Variants in SEZ6L2 observed in about 807,000 individuals in gnomAD.
SEZ6L2 encodes seizure related 6 homolog like 2.
SEZ6L2 carries 44 observed loss-of-function variants against 97.0 expected under a neutral mutation model. The observed-to-expected ratio is 0.45, with a 90% CI of 0.36 to 0.58. The LOEUF is 0.58. SEZ6L2 is among the 20% of genes least tolerant of loss of function. The pLI, the probability that SEZ6L2 is intolerant of heterozygous loss-of-function variation, is 0.00. For missense variants in SEZ6L2, 1,086 were observed against 1,233.3 expected, an observed-to-expected ratio of 0.88 and a Z score of 1.79; for synonymous variants, 543 against 546.1, an observed-to-expected ratio of 0.99 and a Z score of 0.08.
chr16:29,890,697 G>T (rs1470733965), intron 5 of SEZ6L2, among the ~76,000 whole-genome samples: 1 of 144,762 alleles, frequency 6.9e-6, no homozygotes, highest in Non-Finnish European at 1.5e-5. Flanking sequence ...TCTCTTACCT[G>T]TACACAGTCC....
At chr16:29,891,555 C>G (rs756768705) in intron 5 of SEZ6L2, among the ~76,000 whole-genome samples, 1 of 152,048 alleles carries the variant, frequency 6.6e-6, no homozygotes, top group Non-Finnish European at 1.5e-5. Flanking sequence ...ACAGGAGAAT[C>G]GCTTGAACCA....
chr16:29,872,777 G>GA, intron 14 of SEZ6L2, 34 bp from the exon 15 acceptor site: 1 of 1,559,244 alleles, frequency 6.4e-7, no homozygotes, highest in Non-Finnish European at 8.8e-7. Flanking sequence ...GATGGGGTCT[G>GA]AGCCAGGGAG....
chr16:29,895,565 C>T lies in SEZ6L2; in HGVS notation c.652-105G>A. Reference sequence around the variant, plus strand: ...CCTGTGTGTAGCAGCCCAAAAGGCACCACGCTGCTGCCCAAGTTGTAGAAA... The same window carrying T: ...CCTGTGTGTAGCAGCCCAAAAGGCATCACGCTGCTGCCCAAGTTGTAGAAA... On this transcript the variant is annotated intron_variant, in intron 4 of 17. Transcript: ENST00000617533. 7.8e-6 allele frequency: 11 copies of T among 1,415,478 alleles called. No homozygotes were observed. In the South Asian group the frequency reaches 1.2e-4, roughly 15 times the overall value. The allele number at this position is 1,415,478 out of a possible 1,614,324, so 87.7% of individuals were successfully genotyped here.
intron 5 of SEZ6L2, 92 bp from the exon 6 acceptor site, chr16:29,888,817 C>G (rs968750988): frequency 5.9e-6 from 7 of 1,186,924 alleles, no homozygotes; most frequent in South Asian, 1.5e-5. Context: ...TCCTTTCAGG[C>G]CAACCTTCCA....
intron 10 of SEZ6L2, among the ~76,000 whole-genome samples, chr16:29,878,071 C>T (rs2067947903): frequency 6.6e-6 from 1 of 152,218 alleles, no homozygotes; most frequent in East Asian, 1.9e-4. Flanking sequence ...AGGAAGGCTG[C>T]ATTGCCCTAT....
Position 29,871,312 on chromosome 16 carries a change from C to A in SEZ6L2, c.*387G>T, listed in dbSNP as rs1253509882. The A allele has an allele frequency of 3.4e-5, 11 of 326,628 alleles. No individual in the cohort carries two copies. In the East Asian group the frequency reaches 6.0e-4, roughly 18 times the overall value. 20.2% of individuals were successfully genotyped at this position (326,628 alleles called of 1,614,324 possible). The stretch of plus-strand genomic sequence containing the variant: ...TCTGACCCTCCTGGCCGGAGTCAGG[C>A]CTAGGGCCAGGGCATCTGGGAGGGG... On this transcript the variant is annotated 3_prime_UTR_variant, in exon 18 of 18. Coordinates refer to ENST00000617533, the MANE Select transcript of SEZ6L2 (RefSeq NM_001243332.2).
At chr16:29,895,178 C>CA (rs55954869) in intron 5 of SEZ6L2, 81 bp downstream of exon 5, 3,779 of 566,490 alleles carry the variant, frequency 6.7e-3, no homozygotes, top group East Asian at 0.011. Flanking sequence ...GACTCTGTCT[C>CA]AAAAAAAAAA....
chr16:29,897,041 G>A lies in SEZ6L2; in HGVS notation c.292C>T (p.Pro98Ser). The A allele has an allele frequency of 1.9e-6, 3 of 1,580,792 alleles. No homozygotes were observed. The highest frequency in any genetic ancestry group is 2.6e-6 in the Non-Finnish European group (3 of 1,170,130). Residue 98 changes from proline to serine, a missense_variant, in exon 3 of 18, where the codon CCG becomes TCG. By Grantham distance (74) the Pro-to-Ser change is moderately conservative. This residue lies in a region of SEZ6L2 where 776 missense variants were observed against 794.7 expected (regional missense o/e 0.98). Transcript: ENST00000617533. Reference sequence around the variant, plus strand: ...GCTGTTGTCAGAGGCCCTGTCCCCGGCTCAGTGGCCCGTGGCAGGGAGGGC... The same window carrying A: ...GCTGTTGTCAGAGGCCCTGTCCCCGACTCAGTGGCCCGTGGCAGGGAGGGC... ...AVPSLPRATEPGTGPLTTAVT... is the reference protein window; with the variant it reads ...AVPSLPRATESGTGPLTTAVT...
chr16:29,897,582 G>A (rs2068432511), intron 2 of SEZ6L2, among the ~76,000 whole-genome samples: 1 of 151,734 alleles, frequency 6.6e-6, no homozygotes, highest in Non-Finnish European at 1.5e-5. Context: ...TCTGAGTCTG[G>A]TTCTCTGAAT....
rs1197031089 is a variant in SEZ6L2 at position 29,895,628 on chromosome 16, A to G, written c.651+93T>C. On this transcript the variant is annotated intron_variant, in intron 4 of 17. Coordinates refer to ENST00000617533, the MANE Select transcript of SEZ6L2 (RefSeq NM_001243332.2). ...TTTGAGGTCACCTGAGTCATCAGAC[A>G]GGTTCTTTGGCTCCCAGGCCAAACC... is the stretch of plus-strand genomic sequence containing the variant. 7.4e-6 allele frequency: 11 copies of G among 1,478,868 alleles called. No homozygotes were observed. The Admixed American group carries it at 2.3e-4, about 31-fold the overall frequency. The allele number at this position is 1,478,868 out of a possible 1,614,324, so 91.6% of individuals were successfully genotyped here.
chr16:29,889,225 G>A (rs1326573388), intron 5 of SEZ6L2, among the ~76,000 whole-genome samples: 2 of 152,028 alleles, frequency 1.3e-5, no homozygotes, highest in Non-Finnish European at 2.9e-5. Flanking sequence ...GGTGGATCAC[G>A]AAGTCAGGAG....
At chr16:29,878,763 CTTTTTT>C (rs529820559) in intron 9 of SEZ6L2, among the ~76,000 whole-genome samples, 2 of 127,946 alleles carry the variant, frequency 1.6e-5, no homozygotes, top group African/African-American at 5.8e-5. Flanking sequence ...TTTCTTTTTT[CTTTTTT>C]TTTTTTTTTG....
At chr16:29,898,231 C>T (rs1329972759) in intron 1 of SEZ6L2, among the ~76,000 whole-genome samples, 1 of 152,130 alleles carries the variant, frequency 6.6e-6, no homozygotes, top group Non-Finnish European at 1.5e-5. Context: ...TCATTGAACA[C>T]CTTAGCTCTT....
intron 10 of SEZ6L2, among the ~76,000 whole-genome samples, chr16:29,877,672 G>A (rs1380874336): frequency 6.6e-6 from 1 of 152,158 alleles, no homozygotes; most frequent in Non-Finnish European, 1.5e-5. Flanking sequence ...CCTATTCTAT[G>A]GCTCCTCCCA....
chr16:29,888,390 G>T, intron 6 of SEZ6L2, 150 bp downstream of exon 6: 1 of 736,024 alleles, frequency 1.4e-6, no homozygotes, highest in Non-Finnish European at 2.1e-6. Flanking sequence ...AAGAGCTCTG[G>T]CTGCAGACCC....
Position 29,878,329 on chromosome 16 carries a change from A to G in SEZ6L2, c.1670T>C (p.Val557Ala). 1.9e-6 allele frequency: 3 copies of G among 1,599,562 alleles called. No homozygotes were observed. The highest frequency in any genetic ancestry group is 2.6e-6 in the Non-Finnish European group (3 of 1,172,438). The change falls in exon 10 of 18, where the codon GTG becomes GCG. Residue 557 changes from valine (V) to alanine (A), a missense_variant. Val to Ala is a moderately conservative substitution (Grantham distance 64, BLOSUM62 0). Around this residue, in one of 2 missense-constraint regions of SEZ6L2, gnomAD observed 776 missense variants for 794.7 expected, o/e 0.98. Transcript: ENST00000617533. The stretch of plus-strand genomic sequence containing the variant: ...GATGCGCTTCTCTTCCTGGACGTGC[A>G]CGCCCCACACGCAGTCTTGGCCCGG... ...YSPGQDCVWG[V>A]HVQEEKRILL...
chr16:29,877,237 C>A (rs2067924888), intron 11 of SEZ6L2, 34 bp downstream of exon 11: 1 of 1,512,934 alleles, frequency 6.6e-7, no homozygotes, highest in Non-Finnish European at 8.9e-7. Flanking sequence ...GCCTGCCCGA[C>A]CCCTGCCCAT....
Position 29,899,130 on chromosome 16 carries a change from T to G in SEZ6L2, c.-111A>C. 1 of 800,696 alleles carries G rather than the reference T, an allele frequency of 1.2e-6. No individual in the cohort carries two copies. Among genetic ancestry groups the G allele is most frequent in the Non-Finnish European group, 1.9e-6 (1 of 518,690 alleles). The allele number at this position is 800,696 out of a possible 1,614,324, so 49.6% of individuals were successfully genotyped here. A position where few individuals can be genotyped will look rare whatever the true frequency, so the allele number is the denominator to read the frequency against. ...TAATTGTTTTTTTTTTTTTTTTTTTTTTCCTCGTAGGAGTCAGCAAAGAAA... is the reference window on the plus strand; with the variant it reads ...TAATTGTTTTTTTTTTTTTTTTTTTGTTCCTCGTAGGAGTCAGCAAAGAAA... On this transcript the variant is annotated 5_prime_UTR_variant, in exon 1 of 18. Coordinates refer to ENST00000617533, the MANE Select transcript of SEZ6L2 (RefSeq NM_001243332.2).
rs777685815 is a variant in SEZ6L2, at chr16:29,873,222, C to T, written c.2488+18G>A. ...CCCGGACACTGGTGTGCCCCTCCTGCCCTGTCTGGCCAGGCACCTTTGCAG... is the reference window on the plus strand; with the variant it reads ...CCCGGACACTGGTGTGCCCCTCCTGTCCTGTCTGGCCAGGCACCTTTGCAG... On this transcript the variant is annotated intron_variant, in intron 14 of 17. Coordinates refer to ENST00000617533, the MANE Select transcript of SEZ6L2 (RefSeq NM_001243332.2). This position sits in a 1 kb window ranked among gnomAD's most constrained non-coding sequence, Gnocchi z 4.3. The T allele has an allele frequency of 7.4e-6, 12 of 1,612,852 alleles. No homozygotes were observed. The highest frequency in any genetic ancestry group is 5.0e-5 in the Admixed American group (3 of 59,996).
Sources: gnomAD v4.1 joint callset for allele counts (sites outside exome capture counted in the v4.1 genomes callset) on GRCh38, gnomAD v4.1.1 for gene constraint, gnomAD v4.1.1 regional missense constraint, Gnocchi (gnomAD v3.1) non-coding constraint, MANE v1.5 for transcripts, NCBI Gene and HGNC (gene_info 2026-07-23, HGNC 2026-07-21) for gene names.